The following GFRA2 variants were observed in gnomAD, a reference collection of about 807,000 sequenced individuals.
GFRA2 encodes GDNF family receptor alpha-2.
Under a neutral mutation model 48.3 loss-of-function variants are expected in GFRA2, and 17 were observed. That is an observed-to-expected ratio of 0.35 (90% confidence interval 0.24 to 0.53). The LOEUF (loss-of-function observed/expected upper bound fraction) is 0.53, where lower values mean the gene tolerates loss of function less well. Among genes scored for constraint, GFRA2 ranks in the 20% least tolerant of loss-of-function variants. The pLI, the probability that GFRA2 is intolerant of heterozygous loss-of-function variation, is 0.93. For synonymous variants in GFRA2, 305 were observed against 257.2 expected (o/e 1.19, Z -1.78); for missense variants, 660 against 637.3 (o/e 1.04, Z -0.38).
intron 4 of GFRA2, among the ~76,000 whole-genome samples, chr8:21,745,748 T>C (rs1804973442): frequency 6.6e-6 from 1 of 152,176 alleles, no homozygotes; most frequent in Non-Finnish European, 1.5e-5. Context: ...CTTTTGTGGA[T>C]TCTGGGGACA....
chr8:21,731,323 A>G (rs1189571458), intron 4 of GFRA2, among the ~76,000 whole-genome samples: 2 of 152,152 alleles, frequency 1.3e-5, no homozygotes, highest in Non-Finnish European at 2.9e-5. Context: ...TAGGTCACCA[A>G]GGAGAGCTGA....
intron 6 of GFRA2, among the ~76,000 whole-genome samples, chr8:21,703,977 A>G (rs1462488949): frequency 6.6e-6 from 1 of 152,246 alleles, no homozygotes; most frequent in Non-Finnish European, 1.5e-5. Context: ...AAACACCCAC[A>G]GTACCACTGT....
intron 4 of GFRA2, among the ~76,000 whole-genome samples, chr8:21,732,519 T>C (rs1046883418): frequency 6.6e-6 from 1 of 152,152 alleles, no homozygotes; most frequent in Non-Finnish European, 1.5e-5. Context: ...CGGGGGCACA[T>C]GGGTCCACCC....
At chr8:21,734,970 C>T (rs1373422961) in intron 4 of GFRA2, among the ~76,000 whole-genome samples, 1 of 152,214 alleles carries the variant, frequency 6.6e-6, no homozygotes, top group Non-Finnish European at 1.5e-5. Context: ...AAGAATGCAA[C>T]CCTTTGTCTC....
rs75978228 is a variant in GFRA2 at position 21,720,684 on chromosome 8, G to A, written c.795-14643C>T. 4.7e-4 allele frequency among the ~76,000 whole-genome samples: 72 copies of A among 152,240 alleles called. 1 individual carries two copies. The East Asian group carries it at 0.012, about 26-fold the overall frequency. ...GCCTTGGTCCTGTGTTGCTTCCCTT[G>A]CTGAGAAAGCCTTCTCCTTAAACTT... On this transcript the variant is annotated intron_variant, in intron 4 of 8. Coordinates refer to ENST00000524240, the MANE Select transcript of GFRA2 (RefSeq NM_001495.5).
At chr8:21,724,345 G>A (rs1272883946) in intron 4 of GFRA2, among the ~76,000 whole-genome samples, 1 of 152,134 alleles carries the variant, frequency 6.6e-6, no homozygotes, top group Admixed American at 6.5e-5. Context: ...TTGGTGCGGG[G>A]CTGTTGAGAA....
intron 4 of GFRA2, among the ~76,000 whole-genome samples, chr8:21,734,697 T>G (rs1283678373): frequency 2.0e-5 from 3 of 152,372 alleles, no homozygotes; most frequent in African/African-American, 4.8e-5. Flanking sequence ...CTTGACCTTT[T>G]GTCTGGGTCC....
At chr8:21,706,419 C>T (rs1802751729) in intron 4 of GFRA2, 1 of 466,312 alleles carries the variant, frequency 2.1e-6, no homozygotes. Flanking sequence ...TGAGAGGCTG[C>T]AGCCCTGGAT....
At chr8:21,711,828 G>A (rs1015244431) in intron 4 of GFRA2, among the ~76,000 whole-genome samples, 2 of 152,112 alleles carry the variant, frequency 1.3e-5, no homozygotes, top group African/African-American at 4.8e-5. Context: ...GGACCCTGCG[G>A]CCTTCCGCAG....
chr8:21,694,830 G>A (rs180684517), intron 7 of GFRA2, among the ~76,000 whole-genome samples: 2 of 152,250 alleles, frequency 1.3e-5, no homozygotes, highest in East Asian at 3.9e-4. Flanking sequence ...TCTTGGGCAG[G>A]GACCATGTCT....
chr8:21,747,790 A>ACG (rs1219669093), intron 4 of GFRA2, among the ~76,000 whole-genome samples: 1 of 150,180 alleles, frequency 6.7e-6, no homozygotes, highest in Non-Finnish European at 1.5e-5. Flanking sequence ...ACACACACAC[A>ACG]CACACACACA....
intron 1 of GFRA2, among the ~76,000 whole-genome samples, chr8:21,785,240 C>A (rs1359155629): frequency 6.6e-6 from 1 of 152,206 alleles, no homozygotes; most frequent in Non-Finnish European, 1.5e-5. Context: ...ACAGGATGAT[C>A]CTTACACAAT....
intron 4 of GFRA2, among the ~76,000 whole-genome samples, chr8:21,744,229 C>G (rs563858300): frequency 3.9e-5 from 6 of 152,148 alleles, no homozygotes; most frequent in Non-Finnish European, 7.3e-5. Context: ...CTTCCCACCC[C>G]CTGAGGACAG....
intron 3 of GFRA2, among the ~76,000 whole-genome samples, chr8:21,762,880 G>A (rs967898696): frequency 4.1e-4 from 62 of 152,124 alleles, no homozygotes; most frequent in Admixed American, 1.0e-3. Flanking sequence ...TGATGAGTTG[G>A]GTTTAATTTT....
At chr8:21,714,605 G>A (rs1177082061) in intron 4 of GFRA2, among the ~76,000 whole-genome samples, 1 of 152,138 alleles carries the variant, frequency 6.6e-6, no homozygotes, top group Non-Finnish European at 1.5e-5. Flanking sequence ...CCTGGTTGCA[G>A]AAGTGAAAGA....
intron 2 of GFRA2, among the ~76,000 whole-genome samples, chr8:21,798,987 AG>A (rs1192282962): frequency 6.6e-6 from 1 of 152,170 alleles, no homozygotes; most frequent in African/African-American, 2.4e-5. Flanking sequence ...CCATAGCCTT[AG>A]GGGCTGGCCC....
At chr8:21,701,223 T>C (rs1268964138) in intron 7 of GFRA2, among the ~76,000 whole-genome samples, 1 of 152,050 alleles carries the variant, frequency 6.6e-6, no homozygotes, top group Non-Finnish European at 1.5e-5. Flanking sequence ...TGAAACCCCG[T>C]CTCTACTAAA....
intron 2 of GFRA2, among the ~76,000 whole-genome samples, chr8:21,796,977 T>C (rs1042874643): frequency 6.6e-6 from 1 of 152,164 alleles, no homozygotes; most frequent in African/African-American, 2.4e-5. Context: ...ATCTCTCACA[T>C]GGGAAGATGT....
At chr8:21,756,070 G>C (rs1409736675) in intron 3 of GFRA2, among the ~76,000 whole-genome samples, 1 of 152,202 alleles carries the variant, frequency 6.6e-6, no homozygotes, top group Non-Finnish European at 1.5e-5. Context: ...CAACAGGAGG[G>C]ACCCCAGAGA....
Sources: allele counts gnomAD v4.1 joint callset (sites outside exome capture counted in the v4.1 genomes callset), GRCh38; gene constraint gnomAD v4.1.1; transcripts MANE v1.5; gene names NCBI Gene and HGNC (gene_info 2026-07-23, HGNC 2026-07-21).